The following SCEL variants were observed in gnomAD, a reference collection of about 807,000 sequenced individuals.
The protein encoded by SCEL is sciellin.
A neutral mutation model predicts 117.6 loss-of-function variants in SCEL; 113 were observed. The observed-to-expected ratio is 0.96, with a 90% confidence interval of 0.83 to 1.12. SCEL has a LOEUF of 1.12. SCEL is among the 50% of genes most tolerant of loss of function. The pLI is 0.00. For missense variants in SCEL, 785 were observed against 810.8 expected (o/e 0.97, Z 0.39); for synonymous variants, 270 against 256.2 (o/e 1.05, Z -0.51).
chr13:77,545,496 T>C lies in SCEL; in HGVS notation c.-20+9672T>C, dbSNP rs186057330. On this transcript the variant is annotated intron_variant, in intron 1 of 32. Transcript: ENST00000349847. Reference sequence around the variant, plus strand: ...AACAAGGATATTATTCACAGAAACATATATTGTTGAACTATTTCTAAAAAG... The same window carrying C: ...AACAAGGATATTATTCACAGAAACACATATTGTTGAACTATTTCTAAAAAG... Among the ~76,000 whole-genome samples the C allele has an allele frequency of 4.6e-5, 7 of 152,300 alleles. No individual in the cohort carries two copies. The East Asian group carries it at 1.2e-3, about 25-fold the overall frequency.
In SCEL at chr13:77,599,724, C is replaced by A; in HGVS notation, c.893C>A (p.Thr298Asn). 2 of 1,611,710 alleles carry A rather than the reference C, an allele frequency of 1.2e-6. No homozygotes were observed. Among genetic ancestry groups the A allele is most frequent in the Non-Finnish European group, 1.7e-6 (2 of 1,177,810 alleles). ...CTTGAAAGTCTCATCTATATGAGTACCCGGACAGATAAAGATGGCAAAGGG... is the reference window on the plus strand; with the variant it reads ...CTTGAAAGTCTCATCTATATGAGTAACCGGACAGATAAAGATGGCAAAGGG... ...KSLESLIYMS[T>N]RTDKDGKGIQ... Residue 298 changes from threonine (T) to asparagine (N), a missense_variant, in exon 15 of 33, where the codon ACC becomes AAC. Transcript: ENST00000349847.
intron 27 of SCEL, among the ~76,000 whole-genome samples, chr13:77,624,435 T>C (rs1205546002): frequency 6.6e-6 from 1 of 152,178 alleles, no homozygotes; most frequent in African/African-American, 2.4e-5. Context: ...GTCCTCACTT[T>C]GTCTTCCCTC....
intron 1 of SCEL, among the ~76,000 whole-genome samples, chr13:77,544,318 A>G (rs1009690726): frequency 6.6e-6 from 1 of 151,912 alleles, no homozygotes; most frequent in African/African-American, 2.4e-5. Context: ...TTCTTTAACC[A>G]ATTTTAGTTT....
chr13:77,560,827 A>T (rs917600110), intron 4 of SCEL, among the ~76,000 whole-genome samples: 1 of 152,184 alleles, frequency 6.6e-6, no homozygotes, highest in Non-Finnish European at 1.5e-5. Flanking sequence ...TTGTCATTTA[A>T]ATGTAATTAG....
At chr13:77,617,569 A>G (rs1489594662) in intron 24 of SCEL, 30 bp from the exon 25 acceptor site, 1 of 1,349,190 alleles carries the variant, frequency 7.4e-7, no homozygotes, top group Non-Finnish European at 1.0e-6. Context: ...TCTCTAACCC[A>G]AGTTGCTTTA....
At chr13:77,612,463 T>C (rs1440132669) in intron 22 of SCEL, among the ~76,000 whole-genome samples, 3 of 65,394 alleles carry the variant, frequency 4.6e-5, no homozygotes, top group South Asian at 3.7e-4. Flanking sequence ...TTTCTTTTTT[T>C]TTTTTTTTTT....
chr13:77,605,935 C>T (rs1012513501), intron 19 of SCEL, among the ~76,000 whole-genome samples: 1 of 152,042 alleles, frequency 6.6e-6, no homozygotes, highest in Non-Finnish European at 1.5e-5. Context: ...TGCAGTGAGC[C>T]GAGATGGTGC....
chr13:77,593,259 AGTGTGT>A lies in SCEL; in HGVS notation c.693-222_693-217del, dbSNP rs4052543. 3.1e-3 allele frequency among the ~76,000 whole-genome samples: 339 copies of A among 111,144 alleles called. 1 individual carries two copies. Among genetic ancestry groups the A allele is most frequent in the East Asian group, 7.1e-3 (21 of 2,946 alleles). 72.9% of individuals were successfully genotyped at this position (111,144 alleles called of 152,430 possible). On this transcript the variant is annotated intron_variant, in intron 11 of 32. Coordinates refer to ENST00000349847, the MANE Select transcript of SCEL (RefSeq NM_144777.3). ...ACACCCAGGTGGAATAACAGAGGGG[AGTGTGT>A]GTGTGTGTGTGTGTGTGTGTGTGTG... is the stretch of plus-strand genomic sequence containing the variant.
At chr13:77,581,701 A>T (rs189535471) in intron 9 of SCEL, among the ~76,000 whole-genome samples, 13 of 152,338 alleles carry the variant, frequency 8.5e-5, no homozygotes, top group Middle Eastern at 6.8e-3. Flanking sequence ...TTGATTTTTT[A>T]AAAAATTATT....
chr13:77,550,625 C>T (rs1038561993), intron 1 of SCEL, among the ~76,000 whole-genome samples: 2 of 152,118 alleles, frequency 1.3e-5, no homozygotes, highest in African/African-American at 4.8e-5. Flanking sequence ...AATGTGTCCT[C>T]TTCCGTGTCT....
At chr13:77,586,094 G>C (rs1352234309) in intron 9 of SCEL, among the ~76,000 whole-genome samples, 2 of 152,152 alleles carry the variant, frequency 1.3e-5, no homozygotes, top group African/African-American at 4.8e-5. Context: ...GAAGGTCTCT[G>C]AGACACTCAC....
intron 9 of SCEL, among the ~76,000 whole-genome samples, chr13:77,586,153 C>T (rs568177378): frequency 6.6e-6 from 1 of 152,226 alleles, no homozygotes; most frequent in Admixed American, 6.5e-5. Flanking sequence ...TTTCCCAAAC[C>T]CTCCTCTTGT....
chr13:77,619,630 T>A (rs569620560), intron 27 of SCEL, among the ~76,000 whole-genome samples: 1 of 152,336 alleles, frequency 6.6e-6, no homozygotes, highest in East Asian at 1.9e-4. Context: ...ACTTGCTGCA[T>A]GCGGATTTTC....
intron 1 of SCEL, among the ~76,000 whole-genome samples, chr13:77,539,630 C>T (rs927812504): frequency 3.9e-5 from 6 of 152,066 alleles, no homozygotes; most frequent in Admixed American, 2.6e-4. Flanking sequence ...CTCCGCCTCC[C>T]GGGTTCACAT....
At chr13:77,571,171 G>T (rs1163940527) in intron 8 of SCEL, among the ~76,000 whole-genome samples, 3 of 150,150 alleles carry the variant, frequency 2.0e-5, no homozygotes, top group Non-Finnish European at 4.4e-5. Flanking sequence ...GGCCGGGCGC[G>T]GTGGCTCAAG....
intron 28 of SCEL, among the ~76,000 whole-genome samples, chr13:77,629,781 T>A (rs148677698): frequency 3.4e-4 from 52 of 152,250 alleles, no homozygotes; most frequent in African/African-American, 1.2e-3. Flanking sequence ...CAGAGAGCCA[T>A]GTAGAAATAT....
At chr13:77,602,547 G>T (rs1200506264) in intron 16 of SCEL, 107 bp from the exon 17 acceptor site, 3 of 859,914 alleles carry the variant, frequency 3.5e-6, no homozygotes, top group Admixed American at 2.0e-5. Flanking sequence ...TTGGTCATTT[G>T]GTCCTGAAAA....
chr13:77,616,004 CTGTGTGTGTGTGTG>C (rs1169054133), intron 24 of SCEL, among the ~76,000 whole-genome samples: 1 of 114,192 alleles, frequency 8.8e-6, no homozygotes, highest in Non-Finnish European at 1.7e-5. Flanking sequence ...TTATGTCTCT[CTGTGTGTGTGTGTG>C]TGTGTGTGTG....
intron 1 of SCEL, among the ~76,000 whole-genome samples, chr13:77,542,886 C>G (rs1248184120): frequency 6.6e-6 from 1 of 151,998 alleles, no homozygotes; most frequent in Non-Finnish European, 1.5e-5. Context: ...TGGCATTTGT[C>G]CTTTTCCAGT....
Sources: gnomAD v4.1 joint callset for allele counts (sites outside exome capture counted in the v4.1 genomes callset) on GRCh38, gnomAD v4.1.1 for gene constraint, MANE v1.5 for transcripts, NCBI Gene and HGNC (gene_info 2026-07-23, HGNC 2026-07-21) for gene names.